HSPBAP1: variants seen among roughly 807,000 people sequenced by gnomAD.
The protein encoded by HSPBAP1 is HSPB1-associated protein 1.
A neutral mutation model predicts 45.2 loss-of-function variants in HSPBAP1; 27 were observed. That is an observed-to-expected ratio of 0.60 (90% confidence interval 0.44 to 0.82). HSPBAP1 has a LOEUF of 0.82. HSPBAP1 is among the 40% of genes least tolerant of loss of function. HSPBAP1 has a pLI of 0.00. For missense variants in HSPBAP1, 510 were observed against 590.9 expected (o/e 0.86, Z 1.42); for synonymous variants, 204 against 202.7 (o/e 1.01, Z -0.06).
In HSPBAP1 at chr3:122,740,400, T is replaced by C; in HGVS notation, c.1412A>G (p.Asn471Ser). Reference sequence around the variant, plus strand: ...TGCCACTATCCTGGTTACTTGTGGATTCACCAAGCAGTCCAGCAAGTCATC... The same window carrying C: ...TGCCACTATCCTGGTTACTTGTGGACTCACCAAGCAGTCCAGCAAGTCATC... The part of the protein sequence containing the change: ...STDDLLDCLV[N>S]PQVTRIVAQL... The change falls in exon 8 of 8, where the codon AAT becomes AGT. Residue 471 changes from asparagine (N) to serine (S), a missense_variant. Physicochemically the swap from Asn to Ser is conservative, Grantham distance 46. Coordinates refer to ENST00000306103, the MANE Select transcript of HSPBAP1 (RefSeq NM_024610.6). The C allele has an allele frequency of 6.2e-7, 1 of 1,613,794 alleles. No individual in the cohort carries two copies. The highest frequency in any genetic ancestry group is 8.5e-7 in the Non-Finnish European group (1 of 1,179,680).
intron 2 of HSPBAP1, 130 bp downstream of exon 2, chr3:122,777,591 C>T: frequency 1.7e-6 from 1 of 579,480 alleles, no homozygotes; most frequent in Non-Finnish European, 2.9e-6. Flanking sequence ...ATAAAATGTT[C>T]CTGTATGTGC....
In HSPBAP1 at chr3:122,764,891, T is replaced by C. The variant is rs549119614; in HGVS notation, c.432+3810A>G. Among the ~76,000 whole-genome samples the C allele has an allele frequency of 5.9e-5, 9 of 152,370 alleles. No individual in the cohort carries two copies. The South Asian group carries it at 1.7e-3, about 28-fold the overall frequency. On this transcript the variant is annotated intron_variant, in intron 3 of 7. Transcript: ENST00000306103. ...CTTCTCAGGTAGATTCCATTTGATA[T>C]TGTGATTTGAATTGGCTACTGAAGG...
At chr3:122,748,733 G>A (rs1218041433) in intron 6 of HSPBAP1, among the ~76,000 whole-genome samples, 5 of 152,190 alleles carry the variant, frequency 3.3e-5, no homozygotes, top group East Asian at 3.8e-4. Context: ...CAAATCCATT[G>A]TTAAGATCTC....
At chr3:122,749,359 T>TA (rs1934045168) in intron 6 of HSPBAP1, among the ~76,000 whole-genome samples, 2 of 152,080 alleles carry the variant, frequency 1.3e-5, no homozygotes, top group Admixed American at 6.6e-5. Flanking sequence ...ATCAAAATTT[T>TA]AAAAAGGTAA....
intron 1 of HSPBAP1, among the ~76,000 whole-genome samples, chr3:122,779,496 A>C (rs566133238): frequency 1.5e-5 from 2 of 129,756 alleles, no homozygotes; most frequent in South Asian, 2.2e-4. Flanking sequence ...GTTTTCTTTT[A>C]TTTATTTATT....
At chr3:122,789,250 C>T (rs1458910229) in intron 1 of HSPBAP1, among the ~76,000 whole-genome samples, 1 of 152,170 alleles carries the variant, frequency 6.6e-6, no homozygotes, top group Non-Finnish European at 1.5e-5. Flanking sequence ...TGAGATATTT[C>T]CTCAGAAAGC....
intron 4 of HSPBAP1, 105 bp from the exon 5 acceptor site, chr3:122,755,536 AT>A: frequency 1.2e-6 from 1 of 857,738 alleles, no homozygotes; most frequent in Non-Finnish European, 1.7e-6. Flanking sequence ...TTTAAATTCA[AT>A]CCCTAAGGGA....
intron 2 of HSPBAP1, among the ~76,000 whole-genome samples, chr3:122,775,108 CAGAGTA>C (rs1442079549): frequency 4.0e-5 from 6 of 149,684 alleles, no homozygotes; most frequent in Non-Finnish European, 7.4e-5. Context: ...AGAAGCTGCT[CAGAGTA>C]AAAGAAAAAA....
intron 1 of HSPBAP1, among the ~76,000 whole-genome samples, chr3:122,791,537 A>G (rs1576282256): frequency 6.6e-6 from 1 of 152,360 alleles, no homozygotes; most frequent in East Asian, 1.9e-4. Flanking sequence ...GGTACTTATG[A>G]TCTAATGGAA....
At chr3:122,741,181 G>C in intron 6 of HSPBAP1, 68 bp from the exon 7 acceptor site, 1 of 1,150,112 alleles carries the variant, frequency 8.7e-7, no homozygotes, top group South Asian at 1.3e-5. Context: ...AATAAAGTCT[G>C]TTTTAATTTC....
rs371102734 is a variant in HSPBAP1 at position 122,757,758 on chromosome 3, A to G, written c.569+1466T>C. ...CTTATTACAAAGTTAAAATAAAGTG[A>G]TATTAACTTTATATCATAGAGAGAA... On this transcript the variant is annotated intron_variant, in intron 4 of 7. Transcript: ENST00000306103. 2.6e-3 allele frequency among the ~76,000 whole-genome samples: 393 copies of G among 152,360 alleles called. 2 individuals are homozygous for G. Among genetic ancestry groups the G allele is most frequent in the African/African-American group, 8.9e-3 (369 of 41,580 alleles).
chr3:122,755,927 T>G (rs889739750), intron 4 of HSPBAP1, among the ~76,000 whole-genome samples: 1 of 152,190 alleles, frequency 6.6e-6, no homozygotes, highest in African/African-American at 2.4e-5. Flanking sequence ...GTTAAGTTGA[T>G]CCATTAGGGA....
chr3:122,757,268 T>C (rs1934390190), intron 4 of HSPBAP1, among the ~76,000 whole-genome samples: 1 of 152,204 alleles, frequency 6.6e-6, no homozygotes, highest in Non-Finnish European at 1.5e-5. Context: ...GTCAAGACCC[T>C]GGGGACTCAA....
intron 6 of HSPBAP1, among the ~76,000 whole-genome samples, chr3:122,748,198 G>A (rs9841558): frequency 2.8e-4 from 42 of 152,228 alleles, no homozygotes; most frequent in African/African-American, 9.4e-4. Context: ...CTCGTTGAGA[G>A]TCATCACCAC....
chr3:122,780,598 G>A (rs1396693794), intron 1 of HSPBAP1, among the ~76,000 whole-genome samples: 11 of 144,754 alleles, frequency 7.6e-5, no homozygotes, highest in Non-Finnish European at 1.4e-4. Flanking sequence ...CTGGCCGGGC[G>A]GGGGGCTGAC....
chr3:122,753,116 T>A, intron 5 of HSPBAP1: 1 of 445,836 alleles, frequency 2.2e-6, no homozygotes, highest in Non-Finnish European at 3.0e-6. Context: ...ATAGAAGTGG[T>A]AAATCAGGGG....
intron 2 of HSPBAP1, among the ~76,000 whole-genome samples, chr3:122,772,085 TTA>T (rs1935022589): frequency 2.0e-5 from 3 of 152,178 alleles, no homozygotes; most frequent in Admixed American, 2.0e-4. Context: ...TTCGTAACAG[TTA>T]TAATAAATTT....
At chr3:122,790,793 G>A (rs575779625) in intron 1 of HSPBAP1, among the ~76,000 whole-genome samples, 3 of 152,130 alleles carry the variant, frequency 2.0e-5, no homozygotes, top group Admixed American at 6.5e-5. Flanking sequence ...ACCAGCCTAC[G>A]GAACATTGTG....
At chr3:122,777,664 G>A in intron 2 of HSPBAP1, 57 bp downstream of exon 2, 2 of 1,259,788 alleles carry the variant, frequency 1.6e-6, no homozygotes, top group Non-Finnish European at 2.2e-6. Context: ...GGCCACTGCT[G>A]AGAATGTAGG....
Sources: gnomAD v4.1 joint callset for allele counts (sites outside exome capture counted in the v4.1 genomes callset) on GRCh38, gnomAD v4.1.1 for gene constraint, MANE v1.5 for transcripts, NCBI Gene and HGNC (gene_info 2026-07-23, HGNC 2026-07-21) for gene names.